ADGRV1: variants seen among roughly 807,000 people sequenced by gnomAD.
The protein encoded by ADGRV1 is adhesion G protein-coupled receptor V1.
A neutral mutation model predicts 596.2 loss-of-function variants in ADGRV1; 359 were observed. That is an observed-to-expected ratio of 0.60 (90% CI 0.55 to 0.66). ADGRV1 has a LOEUF of 0.66. ADGRV1 is among the 30% of genes least tolerant of loss of function. The probability of loss-of-function intolerance (pLI) is 0.00; values close to 1 mark genes in which losing one functional copy is unlikely to be tolerated. For synonymous variants in ADGRV1, 2,681 were observed against 2,679.2 expected, an observed-to-expected ratio of 1.00 and a Z score of -0.02; for missense variants, 7,274 against 7,575.6, an observed-to-expected ratio of 0.96 and a Z score of 1.48.
intron 28 of ADGRV1, among the ~76,000 whole-genome samples, chr5:90,684,902 G>A (rs758209009): frequency 3.9e-5 from 6 of 152,178 alleles, no homozygotes; most frequent in Admixed American, 1.3e-4. Flanking sequence ...AGCGGTTAAA[G>A]AGGCAGTAAT....
At chr5:91,030,376 A>AT (rs1263131384) in intron 85 of ADGRV1, among the ~76,000 whole-genome samples, 14 of 152,268 alleles carry the variant, frequency 9.2e-5, no homozygotes, top group African/African-American at 2.9e-4. Flanking sequence ...TTATGATAAC[A>AT]TAAAAAATGA....
At chr5:90,606,650 T>C (rs1762138288) in intron 1 of ADGRV1, among the ~76,000 whole-genome samples, 1 of 152,256 alleles carries the variant, frequency 6.6e-6, no homozygotes, top group Non-Finnish European at 1.5e-5. Context: ...TGACTTTCAC[T>C]ACACCTATCC....
chr5:91,136,124 G>A (rs562398628), intron 87 of ADGRV1, among the ~76,000 whole-genome samples: 14 of 152,160 alleles, frequency 9.2e-5, no homozygotes, highest in African/African-American at 3.1e-4. Context: ...GGCAGGGAGT[G>A]GTGGCAGATG....
intron 5 of ADGRV1, among the ~76,000 whole-genome samples, chr5:90,624,202 A>G (rs1277976401): frequency 1.3e-5 from 2 of 152,214 alleles, no homozygotes; most frequent in African/African-American, 2.4e-5. Context: ...AAAACACAGT[A>G]AACACTAACT....
At chr5:91,033,233 T>C (rs1186873737) in intron 85 of ADGRV1, among the ~76,000 whole-genome samples, 1 of 152,230 alleles carries the variant, frequency 6.6e-6, no homozygotes, top group Non-Finnish European at 1.5e-5. Flanking sequence ...AAGTTAATAA[T>C]GTCTTTAACT....
chr5:90,565,626 A>G (rs1278700117), intron 1 of ADGRV1, among the ~76,000 whole-genome samples: 2 of 152,200 alleles, frequency 1.3e-5, no homozygotes, highest in South Asian at 2.1e-4. Flanking sequence ...TGACTATTAT[A>G]AATAATGCTG....
chr5:90,635,573 A>G (rs937549931), intron 10 of ADGRV1, among the ~76,000 whole-genome samples: 2 of 151,630 alleles, frequency 1.3e-5, no homozygotes, highest in African/African-American at 4.8e-5. Flanking sequence ...TCGATACTAC[A>G]GTGGTAGCCA....
intron 87 of ADGRV1, among the ~76,000 whole-genome samples, chr5:91,146,395 T>TG (rs1795535677): frequency 6.6e-6 from 1 of 152,230 alleles, no homozygotes; most frequent in Non-Finnish European, 1.5e-5. Context: ...AGTTGCTGTC[T>TG]GTGACGAAAG....
intron 50 of ADGRV1, among the ~76,000 whole-genome samples, chr5:90,737,048 A>G (rs1324167532): frequency 2.6e-5 from 4 of 151,418 alleles, no homozygotes; most frequent in African/African-American, 9.7e-5. Flanking sequence ...ATATTAGACC[A>G]TTTATTTGAG....
intron 85 of ADGRV1, among the ~76,000 whole-genome samples, chr5:91,067,845 TG>T (rs1328768578): frequency 6.6e-6 from 1 of 152,228 alleles, no homozygotes; most frequent in East Asian, 1.9e-4. Flanking sequence ...AGTGACCATT[TG>T]AAGCCAATAT....
rs1773209423 is a variant in ADGRV1 at position 90,675,993 on chromosome 5, G to A, written c.5314-87G>A. ...TAATTTGGGATATAACAAACATTCTGATTTTACAAATTTGTGTACAGAATG... is the reference window on the plus strand; with the variant it reads ...TAATTTGGGATATAACAAACATTCTAATTTTACAAATTTGTGTACAGAATG... On this transcript the variant is annotated intron_variant, in intron 24 of 89. Transcript: ENST00000405460. 6.4e-6 allele frequency: 7 copies of A among 1,100,140 alleles called. No homozygotes were observed. In the Admixed American group the frequency reaches 2.2e-4, roughly 35 times the overall value. 68.1% of individuals were successfully genotyped at this position (1,100,140 alleles called of 1,614,324 possible).
intron 11 of ADGRV1, among the ~76,000 whole-genome samples, chr5:90,641,087 G>A (rs1236120857): frequency 2.0e-5 from 3 of 152,158 alleles, no homozygotes; most frequent in Non-Finnish European, 4.4e-5. Context: ...GTTTTGCACT[G>A]TGAATGCATT....
At chr5:91,094,267 T>C (rs1790654042) in intron 86 of ADGRV1, among the ~76,000 whole-genome samples, 2 of 152,044 alleles carry the variant, frequency 1.3e-5, no homozygotes, top group Admixed American at 1.3e-4. Context: ...CAGACCAGCC[T>C]GGCCAACATG....
intron 89 of ADGRV1, among the ~76,000 whole-genome samples, chr5:91,156,667 A>G (rs1796505741): frequency 6.6e-6 from 1 of 152,218 alleles, no homozygotes; most frequent in Admixed American, 6.5e-5. Flanking sequence ...AGATTTGTAG[A>G]GTTCCCTGAA....
At chr5:90,635,925 G>A (rs1041756323) in intron 10 of ADGRV1, among the ~76,000 whole-genome samples, 4 of 149,552 alleles carry the variant, frequency 2.7e-5, no homozygotes, top group Admixed American at 6.7e-5. Flanking sequence ...TTTCTTAATG[G>A]CCAAGACATG....
chr5:91,112,760 G>T, intron 87 of ADGRV1, among the ~76,000 whole-genome samples: 1 of 152,100 alleles, frequency 6.6e-6, no homozygotes. Flanking sequence ...TTAGTAGAAG[G>T]TGCATGCAGT....
At chr5:90,962,752 C>T (rs1474102729) in intron 83 of ADGRV1, among the ~76,000 whole-genome samples, 1 of 152,118 alleles carries the variant, frequency 6.6e-6, no homozygotes, top group Non-Finnish European at 1.5e-5. Context: ...CAGATAATAA[C>T]CTGGAACAAC....
Position 91,163,815 on chromosome 5 carries a change from G to A in ADGRV1, c.18836G>A (p.Gly6279Asp), listed in dbSNP as rs1231021869. Residue 6279 changes from glycine to aspartate, a missense_variant, in exon 90 of 90, where the codon GGT (glycine) becomes GAT (aspartate). Gly to Asp is a moderately conservative substitution (Grantham distance 94). Around this residue, in one of 5 missense-constraint regions of ADGRV1, gnomAD observed 1,874 missense variants for 1,970.2 expected, o/e 0.95. Transcript: ENST00000405460. ...AGLSVSDNES[G>D]QGSQEGGTLT... ...CTCAGTGTCAGTGATAATGAATCTGGTCAAGGCAGCCAGGAGGGGGGCACC... is the reference window on the plus strand; with the variant it reads ...CTCAGTGTCAGTGATAATGAATCTGATCAAGGCAGCCAGGAGGGGGGCACC... 4 of 1,599,634 alleles carry A rather than the reference G, an allele frequency of 2.5e-6. No homozygotes were observed. The highest frequency in any genetic ancestry group is 2.2e-5 in the East Asian group (1 of 44,618).
rs569475267 is a variant in ADGRV1, at chr5:90,839,527, C to T, written c.16612-1051C>T. ...CCACACCCAGCCTCCACCTCTCTTA[C>T]AGCAGCATCCAGCACTCTCCTTCTA... On this transcript the variant is annotated intron_variant, in intron 77 of 89. Transcript: ENST00000405460. 1.3e-4 allele frequency among the ~76,000 whole-genome samples: 20 copies of T among 152,202 alleles called. No homozygotes were observed. The East Asian group carries it at 2.7e-3, about 21-fold the overall frequency.
Sources: gnomAD v4.1 joint callset for allele counts (sites outside exome capture counted in the v4.1 genomes callset) on GRCh38, gnomAD v4.1.1 for gene constraint, gnomAD v4.1.1 regional missense constraint, MANE v1.5 for transcripts, NCBI Gene and HGNC (gene_info 2026-07-23, HGNC 2026-07-21) for gene names.